The following ARHGEF3 variants were observed in gnomAD, a reference collection of about 807,000 sequenced individuals.
ARHGEF3 encodes the protein 59.8 kDA protein.
A neutral mutation model predicts 63.2 loss-of-function variants in ARHGEF3; 28 were observed. The ratio of observed to expected loss-of-function variants is 0.44; its 90% CI spans 0.33 to 0.61. The LOEUF (loss-of-function observed/expected upper bound fraction) is 0.61. Ranked by LOEUF, ARHGEF3 falls within the 20% of genes least tolerant of loss-of-function variation. ARHGEF3 has a pLI of 0.03. For synonymous variants in ARHGEF3, 266 were observed against 254.2 expected (o/e 1.05, Z -0.44); for missense variants, 533 against 659.3 (o/e 0.81, Z 2.10).
chr3:56,994,726 C>T (rs1701905287), intron 2 of ARHGEF3, among the ~76,000 whole-genome samples: 1 of 152,126 alleles, frequency 6.6e-6, no homozygotes, highest in Non-Finnish European at 1.5e-5. Context: ...CCCACACTCC[C>T]CCGAATCCAG....
chr3:57,018,584 T>C (rs975618927), intron 2 of ARHGEF3, among the ~76,000 whole-genome samples: 14 of 152,322 alleles, frequency 9.2e-5, no homozygotes, highest in Middle Eastern at 3.4e-3. Flanking sequence ...TTCTTAAATA[T>C]ACCATGCTAT....
chr3:57,053,912 G>T (rs1343319142), intron 1 of ARHGEF3, among the ~76,000 whole-genome samples: 1 of 152,194 alleles, frequency 6.6e-6, no homozygotes, highest in African/African-American at 2.4e-5. Context: ...CTGCTGACGG[G>T]CATTTGGATT....
chr3:57,076,632 T>C (rs978026437), intron 1 of ARHGEF3: 2 of 152,164 alleles, frequency 1.3e-5, no homozygotes, highest in African/African-American at 2.4e-5. Context: ...GGAAGAGGTG[T>C]TGCAGAGGTG....
At chr3:56,788,335 C>G (rs776168832) in intron 1 of ARHGEF3, among the ~76,000 whole-genome samples, 2 of 152,132 alleles carry the variant, frequency 1.3e-5, no homozygotes, top group Admixed American at 6.5e-5. Context: ...CAGTCACTAC[C>G]CGTATTGTCG....
intron 4 of ARHGEF3, among the ~76,000 whole-genome samples, chr3:56,851,550 G>A (rs1317674140): frequency 6.6e-6 from 1 of 152,058 alleles, no homozygotes; most frequent in South Asian, 2.1e-4. Flanking sequence ...ACCATGCCCA[G>A]CTAATTTTTG....
Position 56,729,009 on chromosome 3 carries a change from A to G in ARHGEF3, c.*261T>C. On this transcript the variant is annotated 3_prime_UTR_variant, in exon 10 of 10. Transcript: ENST00000296315. ...TTTAAAATCCAGCAGGACAACTGAA[A>G]GTAACTTGTTTGAGTACCTCTCCAT... 1 of 381,232 alleles carries G rather than the reference A, an allele frequency of 2.6e-6. No homozygotes were observed. Among genetic ancestry groups the G allele is most frequent in the Non-Finnish European group, 4.7e-6 (1 of 213,608 alleles). The allele number at this position is 381,232 out of a possible 1,614,324, so 23.6% of individuals were successfully genotyped here.
At chr3:57,061,256 T>TG (rs1197440376) in intron 1 of ARHGEF3, among the ~76,000 whole-genome samples, 2 of 152,234 alleles carry the variant, frequency 1.3e-5, no homozygotes, top group Non-Finnish European at 2.9e-5. Context: ...AATACTTTCA[T>TG]GGATCAGCAT....
intron 4 of ARHGEF3, among the ~76,000 whole-genome samples, chr3:56,861,401 A>C (rs1424619172): frequency 6.6e-6 from 1 of 152,118 alleles, no homozygotes; most frequent in Non-Finnish European, 1.5e-5. Context: ...TTTGGTAGAA[A>C]ACCAACACAA....
intron 3 of ARHGEF3, among the ~76,000 whole-genome samples, chr3:56,910,523 T>C (rs1487749460): frequency 6.6e-6 from 1 of 152,186 alleles, no homozygotes; most frequent in African/African-American, 2.4e-5. Flanking sequence ...GACCTGTATA[T>C]ATTTATTATA....
intron 3 of ARHGEF3, among the ~76,000 whole-genome samples, chr3:56,902,266 A>G (rs138711137): frequency 1.1e-3 from 168 of 152,346 alleles, no homozygotes; most frequent in African/African-American, 3.8e-3. Context: ...TTAGAAACAG[A>G]TTTTAGAGAG....
At chr3:57,042,624 G>A (rs1347117345) in intron 1 of ARHGEF3, among the ~76,000 whole-genome samples, 1 of 132,318 alleles carries the variant, frequency 7.6e-6, no homozygotes, top group East Asian at 2.3e-4. Flanking sequence ...TGTTAAACAT[G>A]TCCCAGCATA....
intron 2 of ARHGEF3, among the ~76,000 whole-genome samples, chr3:57,004,318 C>A (rs1439367744): frequency 6.6e-6 from 1 of 152,210 alleles, no homozygotes; most frequent in Non-Finnish European, 1.5e-5. Flanking sequence ...GCCCTGATAA[C>A]GTGTCCACAT....
At chr3:56,784,944 T>C (rs2036732655) in intron 1 of ARHGEF3, among the ~76,000 whole-genome samples, 1 of 152,174 alleles carries the variant, frequency 6.6e-6, no homozygotes, top group Non-Finnish European at 1.5e-5. Context: ...CACAGGAGAC[T>C]AGGTGTATAA....
intron 9 of ARHGEF3, among the ~76,000 whole-genome samples, chr3:56,730,388 C>CTT (rs66881414): frequency 1.5e-4 from 20 of 137,272 alleles, no homozygotes; most frequent in Admixed American, 2.2e-4. Flanking sequence ...TTTATTTAAT[C>CTT]TTTTTTTTTT....
intron 3 of ARHGEF3, among the ~76,000 whole-genome samples, chr3:56,897,940 G>A (rs1331994879): frequency 6.6e-6 from 1 of 151,864 alleles, no homozygotes; most frequent in Non-Finnish European, 1.5e-5. Context: ...GAGTGCAGTG[G>A]TGGCATCATA....
intron 3 of ARHGEF3, among the ~76,000 whole-genome samples, chr3:56,918,266 CA>C (rs2042035544): frequency 6.6e-6 from 1 of 152,206 alleles, no homozygotes; most frequent in African/African-American, 2.4e-5. Context: ...TCTGACAAGC[CA>C]CTTCAAGGAG....
At chr3:56,838,601 T>G (rs1409441164) in intron 4 of ARHGEF3, among the ~76,000 whole-genome samples, 2 of 152,022 alleles carry the variant, frequency 1.3e-5, no homozygotes, top group East Asian at 1.9e-4. Flanking sequence ...GCAGCTGCAG[T>G]TTAGATGTGG....
chr3:56,801,949 T>G lies in ARHGEF3; in HGVS notation c.-151A>C. Reference sequence around the variant, plus strand: ...GGCTTCTAGCCGGGCAGGACTCGACTGGGCTCCGGAGCCGAGTGGGCGGGA... The same window carrying G: ...GGCTTCTAGCCGGGCAGGACTCGACGGGGCTCCGGAGCCGAGTGGGCGGGA... On this transcript the variant is annotated 5_prime_UTR_variant, in exon 1 of 10. Coordinates refer to ENST00000296315, the MANE Select transcript of ARHGEF3 (RefSeq NM_019555.3). The G allele has an allele frequency of 1.5e-6, 2 of 1,310,494 alleles. No individual in the cohort carries two copies. The highest frequency in any genetic ancestry group is 2.0e-6 in the Non-Finnish European group (2 of 1,003,900). 81.2% of individuals were successfully genotyped at this position (1,310,494 alleles called of 1,614,324 possible).
At chr3:56,862,999 G>A (rs1027190261) in intron 4 of ARHGEF3, among the ~76,000 whole-genome samples, 1 of 152,138 alleles carries the variant, frequency 6.6e-6, no homozygotes, top group Non-Finnish European at 1.5e-5. Context: ...TGCCATAAAT[G>A]AAATGTTAAG....
Sources: gnomAD v4.1 joint callset for allele counts (sites outside exome capture counted in the v4.1 genomes callset) on GRCh38, gnomAD v4.1.1 for gene constraint, MANE v1.5 for transcripts, NCBI Gene and HGNC (gene_info 2026-07-23, HGNC 2026-07-21) for gene names.